The following NWD2 variants were observed in gnomAD, a reference collection of about 807,000 sequenced individuals.
The protein encoded by NWD2 is NACHT and WD repeat domain-containing protein 2.
Under a neutral mutation model 132.7 loss-of-function variants are expected in NWD2, and 37 were observed. The observed-to-expected ratio is 0.28, with a 90% CI of 0.21 to 0.37. The LOEUF is 0.37. Ranked by LOEUF, NWD2 falls within the 10% of genes least tolerant of loss-of-function variation. The pLI, the probability that NWD2 is intolerant of heterozygous loss-of-function variation, is 1.00. For synonymous variants in NWD2, 705 were observed against 803.0 expected (o/e 0.88, Z 2.06); for missense variants, 1,592 against 2,122.4 (o/e 0.75, Z 4.91).
At chr4:37,277,420 C>T (rs1718042793) in intron 1 of NWD2, among the ~76,000 whole-genome samples, 3 of 151,698 alleles carry the variant, frequency 2.0e-5, no homozygotes, top group Admixed American at 2.0e-4. Flanking sequence ...GTTTGATGTC[C>T]CACAGGTCCC....
At chr4:37,293,882 A>AT (rs1718419163) in intron 1 of NWD2, among the ~76,000 whole-genome samples, 3 of 69,376 alleles carry the variant, frequency 4.3e-5, no homozygotes, top group African/African-American at 1.4e-4. Context: ...GGCACACTGC[A>AT]TTTAAAAAAA....
intron 3 of NWD2, among the ~76,000 whole-genome samples, chr4:37,407,074 G>C (rs980178851): frequency 5.3e-5 from 8 of 152,104 alleles, no homozygotes; most frequent in Non-Finnish European, 1.2e-4. Flanking sequence ...TCAGCAGGGT[G>C]GGGGGCTAGG....
At chr4:37,329,522 G>A (rs1466379840) in intron 2 of NWD2, among the ~76,000 whole-genome samples, 1 of 152,026 alleles carries the variant, frequency 6.6e-6, no homozygotes, top group Non-Finnish European at 1.5e-5. Context: ...AGGGAACAAG[G>A]AAAAGGGTCT....
At chr4:37,324,838 A>G (rs190916743) in intron 1 of NWD2, among the ~76,000 whole-genome samples, 292 of 152,290 alleles carry the variant, frequency 1.9e-3, no homozygotes, top group Non-Finnish European at 3.3e-3. Flanking sequence ...GCTTGAGAAC[A>G]GTAGGAAAAT....
At position 37,350,930 on chromosome 4, in the gene NWD2, T is replaced by A. The variant is rs140750918; in HGVS notation, c.241-5436T>A. On this transcript the variant is annotated intron_variant, in intron 2 of 6. Coordinates refer to ENST00000309447, the MANE Select transcript of NWD2 (RefSeq NM_001144990.2). ...TTTTATTGAAGGCCTTTTCTGCATG[T>A]ATTGAGATAATCATGTGGTTTTTGA... Among the ~76,000 whole-genome samples, 251 of 152,314 alleles carry A rather than the reference T, an allele frequency of 1.6e-3. 2 individuals carry two copies. The highest frequency in any genetic ancestry group is 5.7e-3 in the African/African-American group (236 of 41,582).
intron 1 of NWD2, among the ~76,000 whole-genome samples, chr4:37,321,467 T>C (rs1046452524): frequency 6.6e-6 from 1 of 152,220 alleles, no homozygotes; most frequent in African/African-American, 2.4e-5. Flanking sequence ...TAGTTAGTGC[T>C]GCCAAAGTGT....
At chr4:37,335,477 C>T (rs1719387814) in intron 2 of NWD2, among the ~76,000 whole-genome samples, 1 of 152,110 alleles carries the variant, frequency 6.6e-6, no homozygotes, top group South Asian at 2.1e-4. Context: ...TAACTGGGAG[C>T]TCTTAGAAGT....
At chr4:37,405,140 G>GACA (rs1720971309) in intron 3 of NWD2, among the ~76,000 whole-genome samples, 6 of 152,136 alleles carry the variant, frequency 3.9e-5, no homozygotes, top group Non-Finnish European at 7.3e-5. Flanking sequence ...TTTTCCTGTA[G>GACA]TTCAAATCAA....
At chr4:37,431,034 G>A (rs911045149) in intron 4 of NWD2, among the ~76,000 whole-genome samples, 2 of 152,104 alleles carry the variant, frequency 1.3e-5, no homozygotes, top group African/African-American at 4.8e-5. Context: ...GAGAGGATGC[G>A]AAGAAAAAGG....
Position 37,439,112 on chromosome 4 carries a change from G to A in NWD2, c.1018G>A (p.Glu340Lys), listed in dbSNP as rs1245629962. The change falls in exon 6 of 7, where the codon GAA becomes AAA. Residue 340 changes from glutamate to lysine, a missense_variant. Coordinates refer to ENST00000309447, the MANE Select transcript of NWD2 (RefSeq NM_001144990.2). The surrounding 1 kb of genome is among the most constrained non-coding windows in gnomAD (Gnocchi z 4.5). ...CCAAGAAATAGAAAATCATTACATC[G>A]AAGGACTTGGTAAACAATTTTATGA... ...YSQEIENHYI[E>K]GLGKQFYEDM... The A allele has an allele frequency of 3.9e-6, 6 of 1,551,632 alleles. No homozygotes were observed. The highest frequency in any genetic ancestry group is 3.9e-5 in the Admixed American group (2 of 50,960).
At position 37,446,220 on chromosome 4, in the gene NWD2, T is replaced by G. The variant is rs1712629921; in HGVS notation, c.4232T>G (p.Phe1411Cys). ...SQLLITHNDQFVVSLCEENAS... is the reference protein window; with the variant it reads ...SQLLITHNDQCVVSLCEENAS... Reference sequence around the variant, plus strand: ...CTGCTGATTACACACAATGACCAGTTTGTGGTCTCGCTCTGTGAGGAAAAT... The same window carrying G: ...CTGCTGATTACACACAATGACCAGTGTGTGGTCTCGCTCTGTGAGGAAAAT... The change falls in exon 7 of 7, where the codon TTT becomes TGT. Residue 1411 changes from phenylalanine (F) to cysteine (C), a missense_variant. Around this residue, in one of 7 missense-constraint regions of NWD2, gnomAD observed 1,071 missense variants for 1,398.0 expected, o/e 0.77. Transcript: ENST00000309447. This position sits in a 1 kb window ranked among gnomAD's most constrained non-coding sequence, Gnocchi z 6.7. 1.9e-6 allele frequency: 3 copies of G among 1,551,712 alleles called. No homozygotes were observed. The highest frequency in any genetic ancestry group is 2.6e-6 in the Non-Finnish European group (3 of 1,146,994).
At chr4:37,432,448 C>T (rs1365159928) in intron 4 of NWD2, among the ~76,000 whole-genome samples, 1 of 151,658 alleles carries the variant, frequency 6.6e-6, no homozygotes, top group Non-Finnish European at 1.5e-5. Flanking sequence ...ATCAGTTTCA[C>T]ATGATCAATT....
chr4:37,393,130 G>A (rs1720712075), intron 3 of NWD2, among the ~76,000 whole-genome samples: 1 of 152,112 alleles, frequency 6.6e-6, no homozygotes, highest in Non-Finnish European at 1.5e-5. Context: ...GCCAAGCCAT[G>A]AATGTTGGGC....
intron 3 of NWD2, among the ~76,000 whole-genome samples, chr4:37,427,337 C>A (rs547230352): frequency 6.6e-6 from 1 of 152,278 alleles, no homozygotes; most frequent in South Asian, 2.1e-4. Context: ...ATGGGATAAT[C>A]ACCAGGTTGG....
Position 37,437,560 on chromosome 4 carries a change from C to T in NWD2, c.707-1241C>T, listed in dbSNP as rs554140616. Among the ~76,000 whole-genome samples the T allele has an allele frequency of 1.3e-4, 20 of 152,150 alleles. No individual in the cohort carries two copies. The East Asian group carries it at 1.5e-3, about 12-fold the overall frequency. On this transcript the variant is annotated intron_variant, in intron 5 of 6. Transcript: ENST00000309447. ...TTTTCTCTCACCATTGTATCCTAAG[C>T]GGCTGTCATCGTGCCTGGAATATAA...
intron 1 of NWD2, among the ~76,000 whole-genome samples, chr4:37,306,768 A>G (rs1718716470): frequency 6.6e-6 from 1 of 152,160 alleles, no homozygotes; most frequent in Admixed American, 6.5e-5. Context: ...GATGCCTGTA[A>G]TCCCAGCACA....
chr4:37,427,662 C>G (rs1299492156), intron 3 of NWD2, among the ~76,000 whole-genome samples: 1 of 152,148 alleles, frequency 6.6e-6, no homozygotes, highest in East Asian at 1.9e-4. Context: ...TCTAAAGGGA[C>G]TTTTGCAGCC....
intron 1 of NWD2, among the ~76,000 whole-genome samples, chr4:37,256,855 A>T (rs1717530478): frequency 6.6e-6 from 1 of 152,200 alleles, no homozygotes; most frequent in South Asian, 2.1e-4. Context: ...CAATTTAGTG[A>T]AATCACTGAC....
chr4:37,436,085 C>T (rs1712314398), intron 5 of NWD2, among the ~76,000 whole-genome samples: 1 of 151,748 alleles, frequency 6.6e-6, no homozygotes, highest in African/African-American at 2.4e-5. Context: ...AAAATGGTGC[C>T]CTTCTGAGAA....
Sources: gnomAD v4.1 joint callset for allele counts (sites outside exome capture counted in the v4.1 genomes callset) on GRCh38, gnomAD v4.1.1 for gene constraint, gnomAD v4.1.1 regional missense constraint, Gnocchi (gnomAD v3.1) non-coding constraint, MANE v1.5 for transcripts, NCBI Gene and HGNC (gene_info 2026-07-23, HGNC 2026-07-21) for gene names.